Variants in JHY observed in about 807,000 individuals in gnomAD.
JHY encodes the protein jhy protein homolog.
A neutral mutation model predicts 78.0 loss-of-function variants in JHY; 69 were observed. That is an observed-to-expected ratio of 0.88 (90% CI 0.73 to 1.08). The LOEUF (loss-of-function observed/expected upper bound fraction) is 1.08. Ranked by LOEUF, JHY falls within the 50% of genes least tolerant of loss-of-function variation. The probability of loss-of-function intolerance (pLI) is 0.00; values close to 1 mark genes in which losing one functional copy is unlikely to be tolerated. For synonymous variants in JHY, 368 were observed against 342.6 expected (o/e 1.07, Z -0.82); for missense variants, 944 against 927.8 (o/e 1.02, Z -0.23).
intron 4 of JHY, among the ~76,000 whole-genome samples, 187 bp from the exon 5 acceptor site, chr11:122,934,233 G>A (rs1200439952): frequency 1.3e-5 from 2 of 151,862 alleles, no homozygotes; most frequent in African/African-American, 2.4e-5. Context: ...GGAGAATGGT[G>A]TGAACCTGGG....
chr11:122,933,571 TC>T (rs1863680096), intron 4 of JHY, among the ~76,000 whole-genome samples: 1 of 152,172 alleles, frequency 6.6e-6, no homozygotes, highest in African/African-American at 2.4e-5. Context: ...TTGAAATATT[TC>T]CCCCAGATGT....
intron 2 of JHY, among the ~76,000 whole-genome samples, chr11:122,886,546 C>T (rs1862500506): frequency 6.6e-6 from 1 of 152,116 alleles, no homozygotes; most frequent in Non-Finnish European, 1.5e-5. Context: ...CCAGGCGTTG[C>T]TGTTTAGTGT....
At chr11:122,937,439 T>C (rs1272600294) in intron 5 of JHY, among the ~76,000 whole-genome samples, 2 of 152,198 alleles carry the variant, frequency 1.3e-5, no homozygotes, top group African/African-American at 2.4e-5. Flanking sequence ...CACCTTTACT[T>C]TCTTTCTCTT....
intron 4 of JHY, among the ~76,000 whole-genome samples, chr11:122,925,345 C>A (rs1591385279): frequency 6.6e-6 from 1 of 152,148 alleles, no homozygotes; most frequent in East Asian, 1.9e-4. Flanking sequence ...GTGCTGCTCC[C>A]AAATCTGATT....
At chr11:122,920,764 T>A (rs1233785995) in intron 3 of JHY, among the ~76,000 whole-genome samples, 1 of 152,186 alleles carries the variant, frequency 6.6e-6, no homozygotes, top group African/African-American at 2.4e-5. Flanking sequence ...CTTACCTCAG[T>A]GTAAACACCT....
chr11:122,958,664 T>A, intron 8 of JHY: 2 of 906,032 alleles, frequency 2.2e-6, no homozygotes, highest in Non-Finnish European at 2.6e-6. Context: ...TCATATTTAG[T>A]GATCTCATTT....
At chr11:122,909,376 G>A (rs560745903) in intron 3 of JHY, among the ~76,000 whole-genome samples, 7 of 152,264 alleles carry the variant, frequency 4.6e-5, no homozygotes, top group African/African-American at 1.4e-4. Context: ...AGCCAGGTTG[G>A]TTGGCACTGC....
At chr11:122,903,222 CAT>C (rs529095551) in intron 2 of JHY, among the ~76,000 whole-genome samples, 124 of 152,298 alleles carry the variant, frequency 8.1e-4, no homozygotes, top group African/African-American at 2.8e-3. Flanking sequence ...AAGTGTGAAA[CAT>C]AGTTTTATCT....
intron 5 of JHY, among the ~76,000 whole-genome samples, chr11:122,938,975 G>A (rs1005793143): frequency 6.6e-6 from 1 of 150,578 alleles, no homozygotes; most frequent in Non-Finnish European, 1.5e-5. Flanking sequence ...CTGGAGATCC[G>A]CCTGCTTCTT....
In JHY at chr11:122,961,789, A is replaced by C. The variant is rs1864321951; in HGVS notation, c.*2344A>C. Among the ~76,000 whole-genome samples the C allele has an allele frequency of 6.6e-6, 1 of 152,238 alleles. No individual in the cohort carries two copies. The highest frequency in any genetic ancestry group is 2.1e-4 in the South Asian group (1 of 4,828). On this transcript the variant is annotated 3_prime_UTR_variant, in exon 9 of 9. Transcript: ENST00000227349. Reference sequence around the variant, plus strand: ...AGTGACAATTGAATGAAACACAAATAAATAAAGAATAAAGTTGAAAAAAAA... The same window carrying C: ...AGTGACAATTGAATGAAACACAAATCAATAAAGAATAAAGTTGAAAAAAAA...
chr11:122,951,706 G>T (rs1864089819), intron 6 of JHY, among the ~76,000 whole-genome samples: 1 of 152,148 alleles, frequency 6.6e-6, no homozygotes, highest in Non-Finnish European at 1.5e-5. Context: ...TAAAAACTCT[G>T]CTGTCTTGAG....
chr11:122,884,915 G>A (rs890370369), intron 1 of JHY, among the ~76,000 whole-genome samples: 4 of 151,324 alleles, frequency 2.6e-5, no homozygotes, highest in South Asian at 2.1e-4. Flanking sequence ...TCCTCCCACC[G>A]CAGTCTCCCG....
intron 4 of JHY, among the ~76,000 whole-genome samples, chr11:122,929,255 T>A (rs1863586576): frequency 6.6e-6 from 1 of 151,058 alleles, no homozygotes; most frequent in African/African-American, 2.4e-5. Flanking sequence ...TTTTTTTTTT[T>A]AAAGCAGTAC....
At position 122,960,298 on chromosome 11, in the gene JHY, A is replaced by C. The variant is rs1864285030; in HGVS notation, c.*853A>C. The C allele has an allele frequency of 6.4e-6, 1 of 157,190 alleles. No homozygotes were observed. Among genetic ancestry groups the C allele is most frequent in the Admixed American group, 6.4e-5 (1 of 15,662 alleles). 9.7% of individuals were successfully genotyped at this position (157,190 alleles called of 1,614,324 possible). On this transcript the variant is annotated 3_prime_UTR_variant, in exon 9 of 9. Coordinates refer to ENST00000227349, the MANE Select transcript of JHY (RefSeq NM_024806.4). ...TGGTCGGGGTCACAGGGATGTTAAG[A>C]CAGCTGGCTGCCTGGGTCTTCGCTG...
In JHY at chr11:122,946,724, A is replaced by T. The variant is rs746040976; in HGVS notation, c.1861A>T (p.Ser621Cys). ...SQRNQVKISR[S>C]NSEGYLFQLE... is the part of the protein sequence containing the mutation. ...AAGAAACCAAGTGAAAATTAGCCGT[A>T]GCAATTCTGAAGGCTATCTGTTTCA... The change falls in exon 6 of 9, where the codon AGC becomes TGC. Residue 621 changes from serine to cysteine, a missense_variant. By Grantham distance (112) the Ser-to-Cys change is moderately radical. Transcript: ENST00000227349. 6.2e-7 allele frequency: 1 copy of T among 1,614,216 alleles called. No homozygotes were observed. Among genetic ancestry groups the T allele is most frequent in the South Asian group, 1.1e-5 (1 of 91,078 alleles).
At chr11:122,943,783 T>A (rs1863916778) in intron 5 of JHY, among the ~76,000 whole-genome samples, 1 of 152,222 alleles carries the variant, frequency 6.6e-6, no homozygotes, top group African/African-American at 2.4e-5. Context: ...AAATTTAGCA[T>A]TGAGTCTGGT....
At chr11:122,894,425 TC>T (rs1271668572) in intron 2 of JHY, among the ~76,000 whole-genome samples, 2 of 152,336 alleles carry the variant, frequency 1.3e-5, no homozygotes, top group Non-Finnish European at 2.9e-5. Context: ...AATCTAGGTC[TC>T]TGTCTCTTAG....
At chr11:122,945,086 C>CT (rs1863938034) in intron 5 of JHY, among the ~76,000 whole-genome samples, 1 of 152,128 alleles carries the variant, frequency 6.6e-6, no homozygotes, top group African/African-American at 2.4e-5. Context: ...CAAATTTACT[C>CT]TATTTTCTCC....
intron 5 of JHY, among the ~76,000 whole-genome samples, chr11:122,943,863 G>T (rs1863917973): frequency 6.6e-6 from 1 of 152,076 alleles, no homozygotes; most frequent in Non-Finnish European, 1.5e-5. Context: ...TAAGTAGTGT[G>T]TTGGATTTTG....
Sources: gnomAD v4.1 joint callset for allele counts (sites outside exome capture counted in the v4.1 genomes callset) on GRCh38, gnomAD v4.1.1 for gene constraint, MANE v1.5 for transcripts, NCBI Gene and HGNC (gene_info 2026-07-23, HGNC 2026-07-21) for gene names.